Variants in ZNF534 observed in about 807,000 individuals in gnomAD.
ZNF534 encodes zinc finger protein 534.
ZNF534 carries 19 observed loss-of-function variants against 13.6 expected under a neutral mutation model. The ratio of observed to expected loss-of-function variants is 1.40; its 90% confidence interval spans 0.97 to 2.05. The LOEUF is 2.05. Among genes scored for constraint, ZNF534 ranks in the 30% most tolerant of loss-of-function variants. The probability of loss-of-function intolerance (pLI) is 0.00; values close to 1 mark genes in which losing one functional copy is unlikely to be tolerated. For missense variants in ZNF534, 782 were observed against 796.3 expected, an observed-to-expected ratio of 0.98 and a Z score of 0.22; for synonymous variants, 244 against 273.8, an observed-to-expected ratio of 0.89 and a Z score of 1.07.
downstream of ZNF534, among the ~76,000 whole-genome samples, chr19:52,447,407 A>G (rs576754466): frequency 4.9e-4 from 74 of 152,314 alleles, no homozygotes; most frequent in Middle Eastern, 6.8e-3. Context: ...GGTATGGCAA[A>G]AAGAGTGGAC....
At chr19:52,451,397 C>T in exon 5 of ZNF534, 1 of 784,498 alleles carries the variant, frequency 1.3e-6, no homozygotes, top group Non-Finnish European at 2.2e-6. Context: ...GGCCACGGGA[C>T]TCTCAGGGCC....
At chr19:52,436,966 A>G (rs1373497252) in intron 4 of ZNF534, among the ~76,000 whole-genome samples, 4 of 151,398 alleles carry the variant, frequency 2.6e-5, no homozygotes, top group African/African-American at 9.7e-5. Flanking sequence ...CTTGTATGGT[A>G]GTTTTTGGTT....
At chr19:52,442,897 G>A (rs917778792), downstream of ZNF534, among the ~76,000 whole-genome samples, 6 of 152,176 alleles carry the variant, frequency 3.9e-5, no homozygotes, top group Admixed American at 6.6e-5. Flanking sequence ...AAGCAGTCAC[G>A]CTTATTCTTT....
chr19:52,441,095 G>A lies in ZNF534; in HGVS notation c.*1649G>A, dbSNP rs554673437. 3.4e-4 allele frequency among the ~76,000 whole-genome samples: 52 copies of A among 152,124 alleles called. 2 individuals are homozygous for A. In the South Asian group the frequency reaches 6.7e-3, roughly 19 times the overall value. On this transcript the variant is annotated 3_prime_UTR_variant, in exon 5 of 5. Coordinates refer to ENST00000433050, the MANE Select transcript of ZNF534 (RefSeq NM_001143938.3). ...AATTTTTTGTATTTTTAGTAGAGAC[G>A]GGGTTTCACCATGTTAGCCAGGCTG...
At position 52,435,148 on chromosome 19, in the gene ZNF534, G is replaced by A. The variant is rs367786848; in HGVS notation, c.210G>A (p.Gln70=). ...LEQKRDPWTL[Q]SEVKIINNPD... is the part of the protein sequence containing the mutation. ...AAAAGAGAGATCCCTGGACTCTGCA[G>A]AGTGAAGTGAAAATAATAAACAATC... Residue 70 remains glutamine (Q), a synonymous_variant, in exon 4 of 5, where the codon CAG becomes CAA. Transcript: ENST00000433050. The A allele has an allele frequency of 2.9e-5, 47 of 1,613,236 alleles. No individual in the cohort carries two copies. In the Middle Eastern group the frequency reaches 4.9e-4, roughly 17 times the overall value.
chr19:52,437,975 T>G lies in ZNF534; in HGVS notation c.515T>G (p.Leu172Ter). Residue 172 changes from leucine to a stop codon, truncating the protein, a stop_gained, in exon 5 of 5, where the codon TTA becomes TGA. Transcript: ENST00000433050. LOFTEE classifies it low-confidence loss of function (END_TRUNC). ...NYRNDFLFST[L>*]LPQEQKVHIR... is the part of the protein sequence containing the mutation. The stretch of plus-strand genomic sequence containing the variant: ...AGAAATGATTTTCTTTTTTCTACAT[T>G]ACTCCCACAAGAACAGAAAGTACAC... The G allele has an allele frequency of 6.2e-7, 1 of 1,613,954 alleles. No homozygotes were observed. The highest frequency in any genetic ancestry group is 8.5e-7 in the Non-Finnish European group (1 of 1,179,960).
rs2059165834 is a variant in ZNF534, at chr19:52,440,633, T to C, written c.*1187T>C. Among the ~76,000 whole-genome samples, 1 of 151,704 alleles carries C rather than the reference T, an allele frequency of 6.6e-6. No individual in the cohort carries two copies. Among genetic ancestry groups the C allele is most frequent in the Non-Finnish European group, 1.5e-5 (1 of 67,960 alleles). ...CCATCACTACTAAAAATAAAAAAAA[T>C]AGCTGGGTGTGGTGGTGGGTGTCTG... On this transcript the variant is annotated 3_prime_UTR_variant, in exon 5 of 5. Transcript: ENST00000433050.
intron 4 of ZNF534, among the ~76,000 whole-genome samples, chr19:52,450,921 G>A (rs2059212176): frequency 6.6e-6 from 1 of 151,786 alleles, no homozygotes; most frequent in Admixed American, 6.6e-5. Context: ...CCTGAGCTCA[G>A]GTGATCCGCC....
At chr19:52,429,744 C>T (rs1304679175) in intron 1 of ZNF534, among the ~76,000 whole-genome samples, 5 of 151,880 alleles carry the variant, frequency 3.3e-5, no homozygotes, top group Non-Finnish European at 5.9e-5. Context: ...TACAGGCATA[C>T]GCCACCATGC....
downstream of ZNF534, among the ~76,000 whole-genome samples, chr19:52,444,815 G>A (rs2059188539): frequency 6.6e-6 from 1 of 152,100 alleles, no homozygotes; most frequent in African/African-American, 2.4e-5. Flanking sequence ...CCCAGCTCCT[G>A]TACAACCCAA....
chr19:52,437,769 G>A lies in ZNF534; in HGVS notation c.309G>A (p.Lys103=). The change falls in exon 5 of 5, where the codon AAG becomes AAA. Residue 103 remains lysine, a synonymous_variant. Coordinates refer to ENST00000433050, the MANE Select transcript of ZNF534 (RefSeq NM_001143938.3). The part of the protein sequence containing the change: ...SSKLGSSAGN[K]SLKNQHGLTL... ...AATTGGGAAGCAGTGCAGGAAACAA[G>A]TCACTTAAAAATCAACATGGATTAA... The A allele has an allele frequency of 2.5e-6, 4 of 1,598,116 alleles. No homozygotes were observed. Among genetic ancestry groups the A allele is most frequent in the African/African-American group, 1.3e-5 (1 of 74,496 alleles).
chr19:52,433,078 A>G (rs1255937008), intron 2 of ZNF534, among the ~76,000 whole-genome samples: 2 of 151,856 alleles, frequency 1.3e-5, no homozygotes, highest in Non-Finnish European at 2.9e-5. Context: ...CTCTATCTCT[A>G]CAAAACATAC....
chr19:52,433,956 G>A lies in ZNF534; in HGVS notation c.17G>A (p.Gly6Glu), dbSNP rs773878075. Residue 6 changes from glycine to glutamate, a missense_variant and splice_region_variant, in exon 3 of 5, where the codon GGG becomes GAG. Gly to Glu is a moderately conservative substitution (Grantham distance 98, BLOSUM62 -2). Coordinates refer to ENST00000433050, the MANE Select transcript of ZNF534 (RefSeq NM_001143938.3). ...TTTGAAATGTGGATTTCCTTTTAGG[G>A]GCAATTGTCATTCAGCGATGTGGCC... is the stretch of plus-strand genomic sequence containing the variant. The part of the protein sequence containing the change: MALTQ[G>E]QLSFSDVAIE... 3 of 1,613,656 alleles carry A rather than the reference G, an allele frequency of 1.9e-6. No individual in the cohort carries two copies. The highest frequency in any genetic ancestry group is 2.2e-5 in the East Asian group (1 of 44,868).
At chr19:52,442,641 C>T (rs575664399), downstream of ZNF534, among the ~76,000 whole-genome samples, 16 of 152,262 alleles carry the variant, frequency 1.1e-4, no homozygotes, top group African/African-American at 3.6e-4. Context: ...AAGCTACTTT[C>T]CTCTTTATAA....
At chr19:52,450,880 T>A (rs1404755759) in intron 4 of ZNF534, among the ~76,000 whole-genome samples, 1 of 151,682 alleles carries the variant, frequency 6.6e-6, no homozygotes, top group African/African-American at 2.4e-5. Context: ...AGGGATGGGT[T>A]TTGCCATGTT....
At chr19:52,436,773 G>A (rs2059131296) in intron 4 of ZNF534, among the ~76,000 whole-genome samples, 1 of 152,030 alleles carries the variant, frequency 6.6e-6, no homozygotes, top group African/African-American at 2.4e-5. Context: ...TTCAGCTCCA[G>A]AATTTCTGTT....
chr19:52,433,808 G>A (rs2059108785), intron 2 of ZNF534, 147 bp from the exon 3 acceptor site: 1 of 849,108 alleles, frequency 1.2e-6, no homozygotes, highest in Non-Finnish European at 2.0e-6. Context: ...CACAATCACA[G>A]ACACATAACT....
Position 52,439,407 on chromosome 19 carries a change from A to C in ZNF534, c.1947A>C (p.Leu649=), listed in dbSNP as rs757496383. 6 of 1,546,938 alleles carry C rather than the reference A, an allele frequency of 3.9e-6. No homozygotes were observed. The African/African-American group carries it at 8.2e-5, about 21-fold the overall frequency. Residue 649 remains leucine, a synonymous_variant, in exon 5 of 5, where the codon CTA becomes CTC. Coordinates refer to ENST00000433050, the MANE Select transcript of ZNF534 (RefSeq NM_001143938.3). ...AGGTCTTTAGTAAAAATTCCATCCT[A>C]GTACAACATTGCAGTATTCATACCA... ...CGKVFSKNSI[L]VQHCSIHTRE...
intron 2 of ZNF534, among the ~76,000 whole-genome samples, chr19:52,433,646 A>ATG (rs1555746272): frequency 1.3e-5 from 2 of 152,224 alleles, no homozygotes; most frequent in Non-Finnish European, 2.9e-5. Context: ...GATTACAGGC[A>ATG]TGAGCCGCCG....
Sources: gnomAD v4.1 joint callset for allele counts (sites outside exome capture counted in the v4.1 genomes callset) on GRCh38, gnomAD v4.1.1 for gene constraint, MANE v1.5 for transcripts, NCBI Gene and HGNC (gene_info 2026-07-23, HGNC 2026-07-21) for gene names.